The following INPP5A variants were observed in gnomAD, a reference collection of about 807,000 sequenced individuals.
The protein encoded by INPP5A is 43 kDa inositol polyphosphate 5-phophatase.
INPP5A carries 14 observed loss-of-function variants against 65.2 expected under a neutral mutation model. The ratio of observed to expected loss-of-function variants is 0.21; its 90% CI spans 0.14 to 0.34. The LOEUF (loss-of-function observed/expected upper bound fraction) is 0.34. Among genes scored for constraint, INPP5A ranks in the 10% least tolerant of loss-of-function variants. The pLI, the probability that INPP5A is intolerant of heterozygous loss-of-function variation, is 1.00. For missense variants in INPP5A, 431 were observed against 545.6 expected, an observed-to-expected ratio of 0.79 and a Z score of 2.09; for synonymous variants, 207 against 208.3, an observed-to-expected ratio of 0.99 and a Z score of 0.05.
chr10:132,712,108 C>T (rs966482132), intron 8 of INPP5A, among the ~76,000 whole-genome samples: 1 of 152,236 alleles, frequency 6.6e-6, no homozygotes, highest in Non-Finnish European at 1.5e-5. Context: ...TGAGGGGTCC[C>T]TAAGGCAGGT....
At chr10:132,638,571 A>G (rs1034241921) in intron 2 of INPP5A, among the ~76,000 whole-genome samples, 12 of 151,920 alleles carry the variant, frequency 7.9e-5, no homozygotes, top group Admixed American at 7.2e-4. Flanking sequence ...TTATTTATTT[A>G]TTTGTTTATT....
rs532766592 is a variant in INPP5A at position 132,555,193 on chromosome 10, G to A, written c.75+17022G>A. 1.3e-5 allele frequency among the ~76,000 whole-genome samples: 2 copies of A among 152,012 alleles called. No homozygotes were observed. The highest frequency in any genetic ancestry group is 3.9e-4 in the East Asian group (2 of 5,176). On this transcript the variant is annotated intron_variant, in intron 1 of 15. Coordinates refer to ENST00000368594, the MANE Select transcript of INPP5A (RefSeq NM_005539.5). The surrounding 1 kb of genome is among the most constrained non-coding windows in gnomAD (Gnocchi z 4.4). ...GGGTGGGGGGGTGTGGATGGCAAGCGGCAGGACCAGGTGCTGCAGGCTGGG... is the reference window on the plus strand; with the variant it reads ...GGGTGGGGGGGTGTGGATGGCAAGCAGCAGGACCAGGTGCTGCAGGCTGGG...
chr10:132,590,379 G>A (rs186237132), intron 1 of INPP5A, among the ~76,000 whole-genome samples: 2 of 152,264 alleles, frequency 1.3e-5, no homozygotes, highest in Admixed American at 6.5e-5. Flanking sequence ...CACACTGTCC[G>A]CGCTAGGAGT....
At position 132,782,095 on chromosome 10, in the gene INPP5A, G is replaced by T. The variant is rs186630999; in HGVS notation, c.*66G>T. The T allele has an allele frequency of 6.5e-7, 1 of 1,540,472 alleles. No homozygotes were observed. Among genetic ancestry groups the T allele is most frequent in the African/African-American group, 1.4e-5 (1 of 73,044 alleles). The stretch of plus-strand genomic sequence containing the variant: ...GTGAGCCTCCCTGTAGCCGTGGACC[G>T]AATACGCACTCTTGAAAGCTGCATC... On this transcript the variant is annotated 3_prime_UTR_variant, in exon 16 of 16. Transcript: ENST00000368594. The surrounding 1 kb of genome is among the most constrained non-coding windows in gnomAD (Gnocchi z 4.4).
Position 132,670,850 on chromosome 10 carries a change from T to C in INPP5A, c.307-19542T>C, listed in dbSNP as rs1259014270. Among the ~76,000 whole-genome samples, 26 of 150,374 alleles carry C rather than the reference T, an allele frequency of 1.7e-4. No individual in the cohort carries two copies. In the East Asian group the frequency reaches 2.9e-3, roughly 17 times the overall value. On this transcript the variant is annotated intron_variant, in intron 4 of 15. Coordinates refer to ENST00000368594, the MANE Select transcript of INPP5A (RefSeq NM_005539.5). ...TTGGCAGTGTCTTTCTTTCTTTTTTTTTTTTTTTTTTTTTTAAGGAAAATG... is the reference window on the plus strand; with the variant it reads ...TTGGCAGTGTCTTTCTTTCTTTTTTCTTTTTTTTTTTTTTTAAGGAAAATG...
In INPP5A at chr10:132,537,824, C is replaced by T; in HGVS notation, c.-273C>T. ...CCTGAGTCGGCGGCGGCTGCGGGAA[C>T]TTTCCCAGCGGATCTAATGGCTGCG... On this transcript the variant is annotated 5_prime_UTR_variant, in exon 1 of 16. Transcript: ENST00000368594. The T allele has an allele frequency of 2.7e-6, 1 of 367,114 alleles. No homozygotes were observed. The highest frequency in any genetic ancestry group is 4.9e-6 in the Non-Finnish European group (1 of 205,542). 22.7% of individuals were successfully genotyped at this position (367,114 alleles called of 1,614,324 possible). A position where few individuals can be genotyped will look rare whatever the true frequency, so the allele number is the denominator to read the frequency against.
At chr10:132,571,408 G>T (rs2071340675) in intron 1 of INPP5A, among the ~76,000 whole-genome samples, 1 of 152,220 alleles carries the variant, frequency 6.6e-6, no homozygotes, top group Non-Finnish European at 1.5e-5. Flanking sequence ...CCCCAGCTGC[G>T]GGGAAGGGCT....
Position 132,550,546 on chromosome 10 carries a change from C to T in INPP5A, c.75+12375C>T, listed in dbSNP as rs2071036718. Among the ~76,000 whole-genome samples, 1 of 152,242 alleles carries T rather than the reference C, an allele frequency of 6.6e-6. No individual in the cohort carries two copies. The highest frequency in any genetic ancestry group is 1.5e-5 in the Non-Finnish European group (1 of 68,050). ...TTTTCCGTGAACCGGCAGCTGTGTCCCTTGACGTGCTGAGAGGGCCTGGCT... is the reference window on the plus strand; with the variant it reads ...TTTTCCGTGAACCGGCAGCTGTGTCTCTTGACGTGCTGAGAGGGCCTGGCT... On this transcript the variant is annotated intron_variant, in intron 1 of 15. Coordinates refer to ENST00000368594, the MANE Select transcript of INPP5A (RefSeq NM_005539.5). This position sits in a 1 kb window ranked among gnomAD's most constrained non-coding sequence, Gnocchi z 4.2.
intron 2 of INPP5A, among the ~76,000 whole-genome samples, chr10:132,643,235 A>G (rs2133387639): frequency 6.6e-6 from 1 of 152,334 alleles, no homozygotes; most frequent in East Asian, 1.9e-4. Context: ...AAGGCACAAA[A>G]TAAACCTAAA....
At chr10:132,689,353 G>A (rs1161220551) in intron 4 of INPP5A, among the ~76,000 whole-genome samples, 1 of 152,114 alleles carries the variant, frequency 6.6e-6, no homozygotes, top group Non-Finnish European at 1.5e-5. Flanking sequence ...CTCCTCTCTG[G>A]CCCACCTGGC....
rs191942406 is a variant in INPP5A at position 132,697,292 on chromosome 10, G to A, written c.371-524G>A. ...CCCATGGCGAGGCCTGTGTCCCTGG[G>A]CCTGGCCTATCCACTGGGGGGTCCA... On this transcript the variant is annotated intron_variant, in intron 5 of 15. Coordinates refer to ENST00000368594, the MANE Select transcript of INPP5A (RefSeq NM_005539.5). The surrounding 1 kb of genome is among the most constrained non-coding windows in gnomAD (Gnocchi z 5.6). Among the ~76,000 whole-genome samples, 1 of 152,362 alleles carries A rather than the reference G, an allele frequency of 6.6e-6. No homozygotes were observed. Among genetic ancestry groups the A allele is most frequent in the East Asian group, 1.9e-4 (1 of 5,174 alleles).
In INPP5A at chr10:132,551,212, C is replaced by T. The variant is rs1450067248; in HGVS notation, c.75+13041C>T. Among the ~76,000 whole-genome samples the T allele has an allele frequency of 3.9e-5, 6 of 152,384 alleles. No individual in the cohort carries two copies. The highest frequency in any genetic ancestry group is 1.4e-4 in the African/African-American group (6 of 41,594). Reference sequence around the variant, plus strand: ...GGCTGTCAGTTGCCACCTGCTGGCACTGTGAATGTTAGACTGCAGAGCTGA... The same window carrying T: ...GGCTGTCAGTTGCCACCTGCTGGCATTGTGAATGTTAGACTGCAGAGCTGA... On this transcript the variant is annotated intron_variant, in intron 1 of 15. Transcript: ENST00000368594. This position sits in a 1 kb window ranked among gnomAD's most constrained non-coding sequence, Gnocchi z 5.3.
intron 11 of INPP5A, 70 bp downstream of exon 11, chr10:132,749,915 C>T (rs1846443742): frequency 1.5e-6 from 2 of 1,326,552 alleles, no homozygotes; most frequent in South Asian, 1.2e-5. Flanking sequence ...TTCCCATTAC[C>T]TCTGCTTACC....
At chr10:132,544,733 T>C (rs1424477893) in intron 1 of INPP5A, among the ~76,000 whole-genome samples, 7 of 152,296 alleles carry the variant, frequency 4.6e-5, no homozygotes, top group African/African-American at 1.7e-4. Flanking sequence ...TTGCCAGCTC[T>C]GCATGCCCCT....
Position 132,669,391 on chromosome 10 carries a change from G to A in INPP5A, c.306+18886G>A, listed in dbSNP as rs531828602. ...GGTGCCCACTGTGGCCTACTCTGAGGGGCACAATGCAGGCTCCTATTCTTA... is the reference window on the plus strand; with the variant it reads ...GGTGCCCACTGTGGCCTACTCTGAGAGGCACAATGCAGGCTCCTATTCTTA... On this transcript the variant is annotated intron_variant, in intron 4 of 15. Coordinates refer to ENST00000368594, the MANE Select transcript of INPP5A (RefSeq NM_005539.5). 9.2e-5 allele frequency among the ~76,000 whole-genome samples: 14 copies of A among 152,190 alleles called. No individual in the cohort carries two copies. The South Asian group carries it at 2.7e-3, about 29-fold the overall frequency.
intron 2 of INPP5A, among the ~76,000 whole-genome samples, chr10:132,631,500 G>A (rs563392484): frequency 1.7e-4 from 26 of 152,358 alleles, no homozygotes; most frequent in Non-Finnish European, 3.2e-4. Flanking sequence ...CCCTCTGCGC[G>A]CCTTATCTTG....
chr10:132,578,050 G>A (rs980269400), intron 1 of INPP5A, among the ~76,000 whole-genome samples: 8 of 152,236 alleles, frequency 5.3e-5, no homozygotes, highest in African/African-American at 1.9e-4. Context: ...TTTGTTTTGA[G>A]ATTAGGCTCA....
rs1189121519 is a variant in INPP5A at position 132,545,546 on chromosome 10, G to A, written c.75+7375G>A. The stretch of plus-strand genomic sequence containing the variant: ...GCCGGGGTGTTCCCGCTGTCTCCTG[G>A]GCGGGTCCTTCTGATGTGAGTGCAC... On this transcript the variant is annotated intron_variant, in intron 1 of 15. Transcript: ENST00000368594. The surrounding 1 kb of genome is among the most constrained non-coding windows in gnomAD (Gnocchi z 4.6). Among the ~76,000 whole-genome samples the A allele has an allele frequency of 1.3e-5, 2 of 152,228 alleles. No homozygotes were observed. Among genetic ancestry groups the A allele is most frequent in the Admixed American group, 6.5e-5 (1 of 15,294 alleles).
chr10:132,629,551 T>C (rs1472280071), intron 2 of INPP5A, among the ~76,000 whole-genome samples: 1 of 152,240 alleles, frequency 6.6e-6, no homozygotes, highest in Admixed American at 6.5e-5. Flanking sequence ...GTGTCCCCTC[T>C]TTTTCTGGAA....
Sources: allele counts gnomAD v4.1 joint callset (sites outside exome capture counted in the v4.1 genomes callset), GRCh38; gene constraint gnomAD v4.1.1; non-coding constraint Gnocchi (gnomAD v3.1); transcripts MANE v1.5; gene names NCBI Gene and HGNC (gene_info 2026-07-23, HGNC 2026-07-21).